The following TVP23C variants were observed in gnomAD, a reference collection of about 807,000 sequenced individuals.
TVP23C encodes the protein Golgi apparatus membrane protein TVP23 homolog C.
Under a neutral mutation model 28.7 loss-of-function variants are expected in TVP23C, and 19 were observed. The observed-to-expected ratio is 0.66, with a 90% CI of 0.46 to 0.97. TVP23C has a LOEUF of 0.97. Ranked by LOEUF, TVP23C falls within the 50% of genes least tolerant of loss-of-function variation. The pLI is 0.00. For synonymous variants in TVP23C, 68 were observed against 81.7 expected (o/e 0.83, Z 0.90); for missense variants, 186 against 241.3 (o/e 0.77, Z 1.52).
At chr17:15,516,670 A>C (rs1236815209) in intron 5 of TVP23C, 2 of 152,252 alleles carry the variant, frequency 1.3e-5, no homozygotes, top group Non-Finnish European at 2.9e-5. Flanking sequence ...CTTGAAAAGT[A>C]ATGTGGGGTT....
chr17:15,526,990 T>C (rs1177840666), intron 5 of TVP23C, among the ~76,000 whole-genome samples: 1 of 152,152 alleles, frequency 6.6e-6, no homozygotes, highest in Non-Finnish European at 1.5e-5. Flanking sequence ...TAGGCCCCAG[T>C]AGACCAAACC....
chr17:15,511,131 C>T (rs1981987190), intron 5 of TVP23C, among the ~76,000 whole-genome samples: 3 of 151,814 alleles, frequency 2.0e-5, no homozygotes, highest in Admixed American at 2.0e-4. Context: ...AAGCCCCTTC[C>T]TGCATTTCAT....
At chr17:15,510,386 T>C (rs1054442841) in intron 5 of TVP23C, among the ~76,000 whole-genome samples, 9 of 152,054 alleles carry the variant, frequency 5.9e-5, no homozygotes, top group Non-Finnish European at 1.2e-4. Flanking sequence ...CATGAGAAAA[T>C]GTTCACCATC....
intron 5 of TVP23C, among the ~76,000 whole-genome samples, chr17:15,510,555 G>A (rs554103469): frequency 6.6e-6 from 1 of 152,228 alleles, no homozygotes; most frequent in South Asian, 2.1e-4. Context: ...TAAGAGCCCA[G>A]TTACCTTAGT....
chr17:15,548,220 G>C (rs1983729680), intron 3 of TVP23C, among the ~76,000 whole-genome samples: 2 of 152,188 alleles, frequency 1.3e-5, no homozygotes, highest in Admixed American at 1.3e-4. Context: ...AGGCTGGCAT[G>C]CAACGGGGCG....
downstream of TVP23C, among the ~76,000 whole-genome samples, chr17:15,532,822 C>G (rs1459548371): frequency 6.6e-6 from 1 of 152,090 alleles, no homozygotes; most frequent in African/African-American, 2.4e-5. Flanking sequence ...TTAATATAAG[C>G]AGCATCTACT....
chr17:15,517,380 C>CGA (rs1252621764), intron 5 of TVP23C, among the ~76,000 whole-genome samples: 1 of 152,212 alleles, frequency 6.6e-6, no homozygotes, highest in African/African-American at 2.4e-5. Flanking sequence ...GTACTGATCT[C>CGA]TAACAGGTGC....
At chr17:15,518,856 A>C (rs1982346302) in intron 5 of TVP23C, among the ~76,000 whole-genome samples, 1 of 152,124 alleles carries the variant, frequency 6.6e-6, no homozygotes, top group Non-Finnish European at 1.5e-5. Flanking sequence ...CCTCACTCAA[A>C]TCTCATCTTA....
chr17:15,507,683 A>C (rs1452596082), intron 5 of TVP23C, among the ~76,000 whole-genome samples: 1 of 151,912 alleles, frequency 6.6e-6, no homozygotes, highest in African/African-American at 2.4e-5. Flanking sequence ...CTAAAAATAC[A>C]AAAAAATTAG....
intron 3 of TVP23C, among the ~76,000 whole-genome samples, chr17:15,547,827 G>A (rs960592823): frequency 6.6e-6 from 1 of 152,184 alleles, no homozygotes; most frequent in Non-Finnish European, 1.5e-5. Flanking sequence ...ATTTGATCTA[G>A]TCTGGGTATC....
intron 3 of TVP23C, among the ~76,000 whole-genome samples, chr17:15,551,808 T>C (rs982129465): frequency 2.6e-4 from 40 of 152,286 alleles, no homozygotes; most frequent in Admixed American, 6.5e-4. Flanking sequence ...TGAAGATTGA[T>C]TTTTTGTTTT....
At chr17:15,543,367 G>A (rs923644522) in intron 5 of TVP23C, among the ~76,000 whole-genome samples, 1 of 151,294 alleles carries the variant, frequency 6.6e-6, no homozygotes, top group East Asian at 1.9e-4. Context: ...AGGAAAAAGG[G>A]AAGTGCATTT....
downstream of TVP23C, among the ~76,000 whole-genome samples, chr17:15,535,052 G>A: frequency 6.9e-6 from 1 of 144,028 alleles, no homozygotes. Flanking sequence ...GCTGACCCAG[G>A]GAAAAAAAAT....
intron 3 of TVP23C, among the ~76,000 whole-genome samples, chr17:15,551,491 A>T (rs1983886724): frequency 6.6e-6 from 1 of 152,020 alleles, no homozygotes; most frequent in African/African-American, 2.4e-5. Context: ...AACCAATATA[A>T]GCTTTAGCAT....
chr17:15,518,376 T>G (rs1004874912), intron 5 of TVP23C, among the ~76,000 whole-genome samples: 5 of 152,134 alleles, frequency 3.3e-5, no homozygotes, highest in African/African-American at 1.2e-4. Context: ...AAGCTTTTCA[T>G]GTGCATCATC....
In TVP23C at chr17:15,553,707, G is replaced by C. The variant is rs199907331; in HGVS notation, c.218C>G (p.Ser73Trp). The C allele has an allele frequency of 1.9e-6, 3 of 1,609,366 alleles. No homozygotes were observed. Among genetic ancestry groups the C allele is most frequent in the Non-Finnish European group, 2.5e-6 (3 of 1,178,696 alleles). ...TCMVTIILLL[S>W]CDFWAVKNVT... ...TACCTTCACTGCCCAAAAGTCACAC[G>C]ACAACAACAAGATAATTGTAACCAT... Residue 73 changes from serine to tryptophan, a missense_variant, in exon 3 of 6, where the codon TCG becomes TGG. By Grantham distance (177) the Ser-to-Trp change is radical. Around this residue, in one of 3 missense-constraint regions of TVP23C, gnomAD observed 92 missense variants for 94.3 expected, o/e 0.98. Coordinates refer to ENST00000518321, the MANE Select transcript of TVP23C (RefSeq NM_001135036.2).
Position 15,506,911 on chromosome 17 carries a change from C to T in TVP23C, c.463-3679G>A. ...CTTCAACATCGCCATCAACGGGGAG[C>T]CCTTGGGCCGCATCTCCTTTGAGCT... On this transcript the variant is annotated intron_variant, in intron 5 of 5. Coordinates refer to the TVP23C transcript ENST00000225576. The T allele has an allele frequency of 8.0e-6, 8 of 1,000,302 alleles. No homozygotes were observed. The South Asian group carries it at 8.8e-5, about 11-fold the overall frequency. The allele number at this position is 1,000,302 out of a possible 1,614,324, so 62.0% of individuals were successfully genotyped here.
intron 5 of TVP23C, chr17:15,503,491 T>C (rs141179256): frequency 2.1e-5 from 7 of 337,212 alleles, no homozygotes; most frequent in African/African-American, 1.3e-4. Flanking sequence ...CTGAAGATTG[T>C]TGGAACACGG....
chr17:15,503,155 G>A, exon 6 of TVP23C: 2 of 1,597,440 alleles, frequency 1.3e-6, no homozygotes, highest in Non-Finnish European at 1.7e-6. Flanking sequence ...TTATCCCAGC[G>A]CTTTGGAAGG....
Sources: allele counts gnomAD v4.1 joint callset (sites outside exome capture counted in the v4.1 genomes callset), GRCh38; gene constraint gnomAD v4.1.1; regional missense constraint gnomAD v4.1.1; transcripts MANE v1.5; gene names NCBI Gene and HGNC (gene_info 2026-07-23, HGNC 2026-07-21).